Variants in WASHC4 observed in about 807,000 individuals in gnomAD.
The protein encoded by WASHC4 is WASH complex subunit 7.
WASHC4 carries 86 observed loss-of-function variants against 166.6 expected under a neutral mutation model. The observed-to-expected ratio is 0.52, with a 90% CI of 0.43 to 0.62. The LOEUF is 0.62. Ranked by LOEUF, WASHC4 falls within the 20% of genes least tolerant of loss-of-function variation. The pLI, the probability that WASHC4 is intolerant of heterozygous loss-of-function variation, is 0.00. For synonymous variants in WASHC4, 446 were observed against 451.6 expected, an observed-to-expected ratio of 0.99 and a Z score of 0.16; for missense variants, 1,262 against 1,382.4, an observed-to-expected ratio of 0.91 and a Z score of 1.38.
rs538088632 is a variant in WASHC4, at chr12:105,114,347, T to C, written c.256-15T>C. ...AACAATTTACTTTTTATTTTGTTTT[T>C]ACTCATGAAACTAGGTCTTAAACAA... On this transcript the variant is annotated splice_polypyrimidine_tract_variant and intron_variant, in intron 3 of 32. Transcript: ENST00000332180. 4 of 1,599,702 alleles carry C rather than the reference T, an allele frequency of 2.5e-6. No individual in the cohort carries two copies. The South Asian group carries it at 4.4e-5, about 18-fold the overall frequency.
At chr12:105,130,905 T>C (rs1280727664) in intron 13 of WASHC4, among the ~76,000 whole-genome samples, 1 of 152,220 alleles carries the variant, frequency 6.6e-6, no homozygotes, top group East Asian at 1.9e-4. Flanking sequence ...TGACACTGTT[T>C]AGTGCTTTAT....
intron 28 of WASHC4, among the ~76,000 whole-genome samples, chr12:105,159,749 A>G (rs1426776718): frequency 1.3e-5 from 2 of 152,228 alleles, no homozygotes; most frequent in Non-Finnish European, 2.9e-5. Context: ...TGTGGGAAGA[A>G]GAAATACAGA....
chr12:105,161,875 C>T (rs953510701), intron 29 of WASHC4, among the ~76,000 whole-genome samples: 1 of 152,120 alleles, frequency 6.6e-6, no homozygotes, highest in African/African-American at 2.4e-5. Flanking sequence ...CATGTATAGT[C>T]ACATGTGGCT....
intron 28 of WASHC4, among the ~76,000 whole-genome samples, chr12:105,159,258 A>G (rs1417081879): frequency 6.6e-6 from 1 of 152,202 alleles, no homozygotes; most frequent in Non-Finnish European, 1.5e-5. Flanking sequence ...GTCTTCTAAG[A>G]TCTCTAGGGT....
Position 105,114,376 on chromosome 12 carries a change from C to A in WASHC4, c.270C>A (p.Val90=). 1.9e-6 allele frequency: 3 copies of A among 1,599,228 alleles called. No homozygotes were observed. Among genetic ancestry groups the A allele is most frequent in the South Asian group, 2.2e-5 (2 of 89,846 alleles). ...IKTENKVLNK[V]ITVYAALCCE... ...CATGAAACTAGGTCTTAAACAAAGT[C>A]ATCACTGTTTATGCTGCACTTTGTT... Residue 90 remains valine (V), a synonymous_variant, in exon 4 of 33, where the codon GTC becomes GTA. Transcript: ENST00000332180.
chr12:105,129,679 C>T (rs1375062399), intron 13 of WASHC4, among the ~76,000 whole-genome samples: 1 of 152,020 alleles, frequency 6.6e-6, no homozygotes, highest in Non-Finnish European at 1.5e-5. Flanking sequence ...TATAGTTTGG[C>T]CTTTAAAAGA....
At chr12:105,118,624 G>A in intron 7 of WASHC4, 96 bp downstream of exon 7, 1 of 786,380 alleles carries the variant, frequency 1.3e-6, no homozygotes, top group Non-Finnish European at 2.2e-6. Context: ...CTTTCATTCA[G>A]CATTCTTTGA....
In WASHC4 at chr12:105,168,911, G is replaced by C. The variant is rs1884941491; in HGVS notation, c.*1980G>C. 1 of 152,432 alleles carries C rather than the reference G, an allele frequency of 6.6e-6. No individual in the cohort carries two copies. 9.4% of individuals were successfully genotyped at this position (152,432 alleles called of 1,614,324 possible). ...TTAATTTTATTTTTTCAGACATACT[G>C]TAATTTAAAAATTAATGTGAGCGTT... On this transcript the variant is annotated 3_prime_UTR_variant, in exon 33 of 33. Coordinates refer to ENST00000332180, the MANE Select transcript of WASHC4 (RefSeq NM_015275.3).
intron 13 of WASHC4, among the ~76,000 whole-genome samples, chr12:105,131,032 CT>C (rs1881754506): frequency 6.6e-6 from 1 of 151,694 alleles, no homozygotes; most frequent in African/African-American, 2.4e-5. Flanking sequence ...AGTTAACTTG[CT>C]TTTTAAAACT....
chr12:105,118,834 C>T (rs1384083307), intron 7 of WASHC4, among the ~76,000 whole-genome samples: 1 of 152,132 alleles, frequency 6.6e-6, no homozygotes, highest in African/African-American at 2.4e-5. Context: ...TTCCTTTCCT[C>T]TACACGAATG....
intron 26 of WASHC4, among the ~76,000 whole-genome samples, chr12:105,152,967 A>G (rs989330628): frequency 1.3e-5 from 2 of 152,212 alleles, no homozygotes; most frequent in Non-Finnish European, 2.9e-5. Flanking sequence ...TACATTTCAT[A>G]ATCATCGCTT....
chr12:105,167,163 T>G lies in WASHC4; in HGVS notation c.*232T>G. 1 of 485,324 alleles carries G rather than the reference T, an allele frequency of 2.1e-6. No individual in the cohort carries two copies. 30.1% of individuals were successfully genotyped at this position (485,324 alleles called of 1,614,324 possible). A position where few individuals can be genotyped will look rare whatever the true frequency, so the allele number is the denominator to read the frequency against. ...TTGGATTTTTGCCTGGACTTGAGGG[T>G]ACAAGATGTTTCTATTTGAAGTGAA... is the stretch of plus-strand genomic sequence containing the variant. On this transcript the variant is annotated 3_prime_UTR_variant, in exon 33 of 33. Coordinates refer to ENST00000332180, the MANE Select transcript of WASHC4 (RefSeq NM_015275.3).
chr12:105,160,677 A>G (rs1227374720), intron 29 of WASHC4, among the ~76,000 whole-genome samples: 1 of 152,158 alleles, frequency 6.6e-6, no homozygotes, highest in Non-Finnish European at 1.5e-5. Context: ...TTTTTTTTAA[A>G]TAATTACTGG....
In WASHC4 at chr12:105,143,379, A is replaced by G. The variant is rs1291615548; in HGVS notation, c.2010+136A>G. 9 of 619,170 alleles carry G rather than the reference A, an allele frequency of 1.5e-5. No individual in the cohort carries two copies. The Admixed American group carries it at 2.0e-4, about 14-fold the overall frequency. 38.4% of individuals were successfully genotyped at this position (619,170 alleles called of 1,614,324 possible). On this transcript the variant is annotated intron_variant, in intron 20 of 32. Coordinates refer to ENST00000332180, the MANE Select transcript of WASHC4 (RefSeq NM_015275.3). ...CTGGGTAGAACAAAGAACTATTTTT[A>G]GTTACAATATCACTGTTGTGCTAAT...
chr12:105,115,855 G>A (rs1444202339), intron 6 of WASHC4, 127 bp downstream of exon 6: 6 of 709,030 alleles, frequency 8.5e-6, no homozygotes, highest in South Asian at 1.5e-5. Context: ...CACTTAATTA[G>A]CATTGGATTA....
At chr12:105,163,087 G>A (rs1392456523) in intron 30 of WASHC4, among the ~76,000 whole-genome samples, 2 of 152,020 alleles carry the variant, frequency 1.3e-5, no homozygotes, top group Non-Finnish European at 2.9e-5. Context: ...CTCCCGAGTA[G>A]CTGGGACTAC....
chr12:105,141,393 A>G, intron 18 of WASHC4, 147 bp downstream of exon 18: 1 of 739,024 alleles, frequency 1.4e-6, no homozygotes, highest in Non-Finnish European at 2.5e-6. Flanking sequence ...CCAAAATGAG[A>G]TTGTGACTAG....
chr12:105,117,529 A>G (rs908028571), intron 6 of WASHC4, among the ~76,000 whole-genome samples: 2 of 152,324 alleles, frequency 1.3e-5, no homozygotes, highest in African/African-American at 4.8e-5. Context: ...TTAATAGGAC[A>G]TGTAAAACTA....
intron 2 of WASHC4, 31 bp downstream of exon 2, chr12:105,111,295 T>C (rs762168208): frequency 8.7e-5 from 126 of 1,441,170 alleles, no homozygotes; most frequent in Non-Finnish European, 1.2e-4. Flanking sequence ...AATATATGTA[T>C]ATATTTTCTG....
Sources: allele counts gnomAD v4.1 joint callset (sites outside exome capture counted in the v4.1 genomes callset), GRCh38; gene constraint gnomAD v4.1.1; transcripts MANE v1.5; gene names NCBI Gene and HGNC (gene_info 2026-07-23, HGNC 2026-07-21).